Variants in STK3 observed in about 807,000 individuals in gnomAD.
STK3 encodes the protein serine/threonine-protein kinase 3.
Under a neutral mutation model 58.0 loss-of-function variants are expected in STK3, and 41 were observed. The observed-to-expected ratio is 0.71, with a 90% CI of 0.55 to 0.92. The LOEUF is 0.92. Among genes scored for constraint, STK3 ranks in the 40% least tolerant of loss-of-function variants. STK3 has a pLI of 0.00. For missense variants in STK3, 479 were observed against 602.7 expected (o/e 0.79, Z 2.15); for synonymous variants, 170 against 191.0 (o/e 0.89, Z 0.91).
chr8:98,768,489 G>A (rs1475077597), intron 2 of STK3, among the ~76,000 whole-genome samples: 1 of 152,042 alleles, frequency 6.6e-6, no homozygotes, highest in Admixed American at 6.5e-5. Context: ...TGTTTCTTTG[G>A]GCTCTCTGAA....
chr8:98,472,094 T>C (rs936430891), intron 10 of STK3, among the ~76,000 whole-genome samples: 20 of 152,302 alleles, frequency 1.3e-4, no homozygotes, highest in Admixed American at 5.2e-4. Flanking sequence ...TATCACCATT[T>C]TTCAGAATTT....
the STK3 span, among the ~76,000 whole-genome samples, chr8:98,363,658 C>T: frequency 2.0e-5 from 3 of 152,228 alleles, no homozygotes; most frequent in Admixed American, 2.0e-4. Flanking sequence ...AGTCTAGTTG[C>T]AGTTGGTTAG....
At chr8:98,893,539 A>AG (rs1438221987) in intron 1 of STK3, among the ~76,000 whole-genome samples, 107 of 142,568 alleles carry the variant, frequency 7.5e-4, no homozygotes, top group African/African-American at 2.4e-3. Flanking sequence ...AAAGAAAGAA[A>AG]AAGAAAGAGA....
rs183991157 is a variant in STK3 at position 98,632,465 on chromosome 8, A to G, written c.685-36296T>C. On this transcript the variant is annotated intron_variant, in intron 6 of 10. Coordinates refer to ENST00000419617, the MANE Select transcript of STK3 (RefSeq NM_006281.4). ...GCTTCCCCAATTCCAGATACAAATG[A>G]AATTGTGAATTTGGCAATTCACTGG... is the stretch of plus-strand genomic sequence containing the variant. 9.2e-3 allele frequency among the ~76,000 whole-genome samples: 1,402 copies of G among 152,314 alleles called. 17 individuals carry two copies. The highest frequency in any genetic ancestry group is 0.032 in the African/African-American group (1,326 of 41,574).
intron 6 of STK3, among the ~76,000 whole-genome samples, chr8:98,619,769 C>A (rs1283048248): frequency 1.4e-5 from 2 of 138,928 alleles, no homozygotes; most frequent in Non-Finnish European, 3.1e-5. Context: ...CAGTGAGATA[C>A]CATCTCACAC....
chr8:98,438,803 T>C (rs1035467248), intron 1 of STK3: 9 of 152,666 alleles, frequency 5.9e-5, no homozygotes, highest in African/African-American at 2.2e-4. Context: ...ATGAGTCTTG[T>C]GTGTATCTGT....
Position 98,759,537 on chromosome 8 carries a change from G to A in STK3, c.236+7706C>T, listed in dbSNP as rs138708815. ...ATGAAAACGTCTGAAATATGGGAAGGATTACCAAAACATGACATAGAGACA... is the reference window on the plus strand; with the variant it reads ...ATGAAAACGTCTGAAATATGGGAAGAATTACCAAAACATGACATAGAGACA... On this transcript the variant is annotated intron_variant, in intron 3 of 10. Coordinates refer to ENST00000419617, the MANE Select transcript of STK3 (RefSeq NM_006281.4). Among the ~76,000 whole-genome samples the A allele has an allele frequency of 8.6e-3, 1,305 of 152,122 alleles. 10 individuals carry two copies. Among genetic ancestry groups the A allele is most frequent in the African/African-American group, 0.03 (1,229 of 41,488 alleles).
chr8:98,497,091 T>A (rs1467722710), intron 10 of STK3, among the ~76,000 whole-genome samples: 2 of 152,122 alleles, frequency 1.3e-5, no homozygotes, highest in Non-Finnish European at 2.9e-5. Flanking sequence ...GGTAGTGGCA[T>A]GAAGATAGAC....
At chr8:98,662,900 A>G (rs890577621) in intron 6 of STK3, among the ~76,000 whole-genome samples, 9 of 152,156 alleles carry the variant, frequency 5.9e-5, no homozygotes, top group Non-Finnish European at 1.3e-4. Context: ...AAAGACTTAA[A>G]TGTTAGACCT....
intron 6 of STK3, among the ~76,000 whole-genome samples, chr8:98,609,368 G>A (rs1817002145): frequency 6.6e-6 from 1 of 152,118 alleles, no homozygotes; most frequent in African/African-American, 2.4e-5. Flanking sequence ...TGGTTTGGAT[G>A]TCACTTTAAG....
chr8:98,399,616 T>C (rs908476251), downstream of STK3, among the ~76,000 whole-genome samples: 2 of 152,232 alleles, frequency 1.3e-5, no homozygotes, highest in Non-Finnish European at 2.9e-5. Flanking sequence ...AGTTTCCTTA[T>C]TTGCAAAATA....
chr8:98,925,870 C>T (rs1839767787), intron 1 of STK3, among the ~76,000 whole-genome samples: 1 of 152,100 alleles, frequency 6.6e-6, no homozygotes. Context: ...ATTAGGAAAC[C>T]CTTGTTTGCC....
chr8:98,504,524 G>A (rs1050708909), intron 10 of STK3, among the ~76,000 whole-genome samples: 1 of 152,182 alleles, frequency 6.6e-6, no homozygotes, highest in African/African-American at 2.4e-5. Flanking sequence ...GCAGTGGCTG[G>A]TACCAGTTGT....
At chr8:98,660,675 C>A (rs1821901874) in intron 6 of STK3, among the ~76,000 whole-genome samples, 1 of 152,054 alleles carries the variant, frequency 6.6e-6, no homozygotes. Context: ...TCATTCACCC[C>A]TCTCCCACCA....
chr8:98,761,126 CTTT>C (rs71572022), intron 3 of STK3, among the ~76,000 whole-genome samples: 14 of 140,430 alleles, frequency 1.0e-4, no homozygotes, highest in Admixed American at 2.1e-4. Flanking sequence ...GTGACTTTTT[CTTT>C]TTTTTTTTTT....
At chr8:98,874,559 T>C (rs1837495307) in intron 3 of STK3, among the ~76,000 whole-genome samples, 1 of 152,164 alleles carries the variant, frequency 6.6e-6, no homozygotes, top group Non-Finnish European at 1.5e-5. Flanking sequence ...TTATAACCCA[T>C]GTTTTATATA....
At chr8:98,694,949 T>G (rs1418816477) in intron 6 of STK3, among the ~76,000 whole-genome samples, 2 of 152,210 alleles carry the variant, frequency 1.3e-5, no homozygotes, top group Non-Finnish European at 2.9e-5. Flanking sequence ...ATGGTTGAAC[T>G]AGTTTACAGT....
intron 3 of STK3, among the ~76,000 whole-genome samples, chr8:98,838,252 G>T (rs1475733107): frequency 1.3e-5 from 2 of 151,918 alleles, no homozygotes; most frequent in African/African-American, 4.8e-5. Context: ...AAATTAATTA[G>T]TTAAAAAATA....
chr8:98,529,584 C>T (rs904220886), intron 9 of STK3, among the ~76,000 whole-genome samples: 14 of 152,034 alleles, frequency 9.2e-5, no homozygotes, highest in African/African-American at 2.9e-4. Context: ...GGTATATATC[C>T]GGAACTGAAA....
Sources: allele counts gnomAD v4.1 joint callset (sites outside exome capture counted in the v4.1 genomes callset), GRCh38; gene constraint gnomAD v4.1.1; transcripts MANE v1.5; gene names NCBI Gene and HGNC (gene_info 2026-07-23, HGNC 2026-07-21).